FAH: variants seen among roughly 807,000 people sequenced by gnomAD.
FAH encodes the protein fumarylacetoacetase.
In FAH, 47 loss-of-function variants were observed where a neutral mutation model predicts 55.8. The ratio of observed to expected loss-of-function variants is 0.84; its 90% CI spans 0.67 to 1.07. The LOEUF (loss-of-function observed/expected upper bound fraction) is 1.07. FAH is among the 50% of genes least tolerant of loss of function. The pLI, the probability that FAH is intolerant of heterozygous loss-of-function variation, is 0.00. For missense variants in FAH, 495 were observed against 545.9 expected, an observed-to-expected ratio of 0.91 and a Z score of 0.93; for synonymous variants, 199 against 207.7, an observed-to-expected ratio of 0.96 and a Z score of 0.36.
intron 10 of FAH, among the ~76,000 whole-genome samples, chr15:80,175,635 C>T (rs1437910250): frequency 6.6e-6 from 1 of 152,228 alleles, no homozygotes; most frequent in African/African-American, 2.4e-5. Context: ...GCCCACATCT[C>T]CCTGTGGCTG....
At chr15:80,155,872 A>T (rs1480288830) in intron 1 of FAH, 1 of 471,174 alleles carries the variant, frequency 2.1e-6, no homozygotes, top group Non-Finnish European at 4.2e-6. Context: ...TATAAGAAAG[A>T]TCAAAGACTT....
intron 1 of FAH, among the ~76,000 whole-genome samples, chr15:80,154,782 G>T (rs2041084158): frequency 6.6e-6 from 1 of 152,220 alleles, no homozygotes. Flanking sequence ...CTCCGAGTTG[G>T]CATCAAAGAC....
At position 80,159,711 on chromosome 15, in the gene FAH, G is replaced by C. The variant is rs764073453; in HGVS notation, c.193-45G>C. 6 of 1,613,638 alleles carry C rather than the reference G, an allele frequency of 3.7e-6. No individual in the cohort carries two copies. The African/African-American group carries it at 8.0e-5, about 22-fold the overall frequency. On this transcript the variant is annotated intron_variant, in intron 2 of 13. Transcript: ENST00000561421. Reference sequence around the variant, plus strand: ...TCCATTGGAAGGAGGGATACTCCCTGGGTTTTCCTGTACGTGATCTTTTTT... The same window carrying C: ...TCCATTGGAAGGAGGGATACTCCCTCGGTTTTCCTGTACGTGATCTTTTTT...
chr15:80,168,197 C>T, intron 6 of FAH, 48 bp downstream of exon 6: 4 of 1,609,292 alleles, frequency 2.5e-6, no homozygotes, highest in Non-Finnish European at 2.5e-6. Flanking sequence ...GCTCTCTGTT[C>T]CCACACAGAG....
intron 13 of FAH, 131 bp from the exon 14 acceptor site, chr15:80,185,999 T>C (rs943503457): frequency 1.4e-5 from 11 of 766,190 alleles, no homozygotes; most frequent in Middle Eastern, 3.1e-4. Flanking sequence ...GTTTAAGATA[T>C]GTGTGTGTGA....
At chr15:80,180,258 G>A (rs987992996) in intron 12 of FAH, 33 bp downstream of exon 12, 27 of 1,533,612 alleles carry the variant, frequency 1.8e-5, no homozygotes, top group African/African-American at 5.4e-5. Flanking sequence ...GGCTGCCCAC[G>A]CAGAGCATCC....
chr15:80,176,427 G>A (rs1321173590), intron 10 of FAH, among the ~76,000 whole-genome samples: 1 of 152,222 alleles, frequency 6.6e-6, no homozygotes, highest in Non-Finnish European at 1.5e-5. Context: ...CCTGTCAGGA[G>A]GCGCAGTACA....
intron 1 of FAH, chr15:80,156,135 G>A (rs1420128145): frequency 1.6e-5 from 4 of 254,216 alleles, no homozygotes; most frequent in Non-Finnish European, 3.1e-5. Flanking sequence ...GCTAAGTAAT[G>A]GGTGCCTTCC....
At chr15:80,170,547 A>C (rs1346727403) in intron 7 of FAH, among the ~76,000 whole-genome samples, 5 of 152,200 alleles carry the variant, frequency 3.3e-5, no homozygotes, top group African/African-American at 9.6e-5. Flanking sequence ...CAAGGGTACT[A>C]TGTGAGACTG....
chr15:80,170,663 C>T (rs2041232935), intron 7 of FAH, among the ~76,000 whole-genome samples: 2 of 152,202 alleles, frequency 1.3e-5, no homozygotes, highest in Admixed American at 6.5e-5. Flanking sequence ...CAGGCAGACA[C>T]TTCACCTGTT....
Position 80,168,068 on chromosome 15 carries a change from G to A in FAH, c.472G>A (p.Gly158Ser), listed in dbSNP as rs2041209399. Residue 158 changes from glycine (G) to serine (S), a missense_variant, in exon 6 of 14, where the codon GGC (glycine) becomes AGC (serine). Transcript: ENST00000561421. ...CTTTCTCAGGCTGCACTTACCAGTG[G>A]GCTACCATGGCCGTGCCTCCTCTGT... is the stretch of plus-strand genomic sequence containing the variant. ...LMPNWLHLPV[G>S]YHGRASSVVV... 1 of 1,613,942 alleles carries A rather than the reference G, an allele frequency of 6.2e-7. No individual in the cohort carries two copies. Among genetic ancestry groups the A allele is most frequent in the African/African-American group, 1.3e-5 (1 of 74,884 alleles).
chr15:80,175,211 G>GGC, intron 10 of FAH, 120 bp downstream of exon 10: 1 of 890,412 alleles, frequency 1.1e-6, no homozygotes, highest in South Asian at 1.4e-5. Flanking sequence ...CCCTGGAGAT[G>GGC]TGTGTGGCTC....
At chr15:80,173,550 C>CA in intron 9 of FAH, 2 of 352,508 alleles carry the variant, frequency 5.7e-6, no homozygotes, top group East Asian at 1.5e-4. Flanking sequence ...AGCCCAGCAA[C>CA]AGGGAGTCCC....
At chr15:80,186,568 A>T, downstream of FAH, 1 of 345,820 alleles carries the variant, frequency 2.9e-6, no homozygotes, top group East Asian at 6.8e-5. Context: ...AGAGAAATAG[A>T]ACCAAGGAGA....
At chr15:80,185,913 G>C (rs569798588) in intron 13 of FAH, among the ~76,000 whole-genome samples, 1 of 152,218 alleles carries the variant, frequency 6.6e-6, no homozygotes, top group African/African-American at 2.4e-5. Flanking sequence ...ATCCCTGGCT[G>C]TGGGGTGGGC....
At position 80,181,647 on chromosome 15, in the gene FAH, A is replaced by G. The variant is rs1336797278; in HGVS notation, c.1180+488A>G. Among the ~76,000 whole-genome samples the G allele has an allele frequency of 2.6e-5, 4 of 152,276 alleles. No homozygotes were observed. The East Asian group carries it at 7.7e-4, about 29-fold the overall frequency. The stretch of plus-strand genomic sequence containing the variant: ...TAATGGTTAGCAGCACACTCTTTAG[A>G]GCTGGAAAGGTTCAAGTTGAACTCC... On this transcript the variant is annotated intron_variant, in intron 13 of 13. Coordinates refer to ENST00000561421, the MANE Select transcript of FAH (RefSeq NM_000137.4).
In FAH at chr15:80,160,398, T is replaced by C; in HGVS notation, c.315-12T>C. The C allele has an allele frequency of 2.5e-6, 4 of 1,614,174 alleles. No individual in the cohort carries two copies. The highest frequency in any genetic ancestry group is 3.4e-6 in the Non-Finnish European group (4 of 1,179,994). On this transcript the variant is annotated splice_polypyrimidine_tract_variant and intron_variant, in intron 3 of 13. Coordinates refer to ENST00000561421, the MANE Select transcript of FAH (RefSeq NM_000137.4). Reference sequence around the variant, plus strand: ...CCTACTTGACTTTGAAGCCCCTGGTTCTGTGTTTCAGTGCATTCATCTCCC... The same window carrying C: ...CCTACTTGACTTTGAAGCCCCTGGTCCTGTGTTTCAGTGCATTCATCTCCC...
intron 11 of FAH, among the ~76,000 whole-genome samples, chr15:80,179,321 A>C (rs1362676173): frequency 1.3e-5 from 2 of 152,228 alleles, no homozygotes; most frequent in Admixed American, 1.3e-4. Flanking sequence ...CCTCTGAATC[A>C]TTGAACTATT....
intron 9 of FAH, 126 bp downstream of exon 9, chr15:80,173,270 C>A: frequency 7.8e-7 from 1 of 1,281,210 alleles, no homozygotes; most frequent in Non-Finnish European, 1.1e-6. Flanking sequence ...ACGGCATGCC[C>A]ACAGCAGAGT....
Sources: gnomAD v4.1 joint callset for allele counts (sites outside exome capture counted in the v4.1 genomes callset) on GRCh38, gnomAD v4.1.1 for gene constraint, MANE v1.5 for transcripts, NCBI Gene and HGNC (gene_info 2026-07-23, HGNC 2026-07-21) for gene names.